The following TMEM132C variants were observed in gnomAD, a reference collection of about 807,000 sequenced individuals.
The protein encoded by TMEM132C is transmembrane protein 132C, also known as protein phosphatase 1, regulatory subunit 152.
TMEM132C carries 29 observed loss-of-function variants against 61.4 expected under a neutral mutation model. The ratio of observed to expected loss-of-function variants is 0.47; its 90% confidence interval spans 0.35 to 0.64. The LOEUF (loss-of-function observed/expected upper bound fraction) is 0.64, where lower values mean the gene tolerates loss of function less well. Among genes scored for constraint, TMEM132C ranks in the 30% least tolerant of loss-of-function variants. The pLI is 0.00. For missense variants in TMEM132C, 1,408 were observed against 1,476.9 expected (o/e 0.95, Z 0.76); for synonymous variants, 656 against 633.1 (o/e 1.04, Z -0.54).
chr12:128,531,025 GAGA>G (rs1417608677), intron 2 of TMEM132C, among the ~76,000 whole-genome samples: 3 of 152,292 alleles, frequency 2.0e-5, no homozygotes, highest in East Asian at 1.9e-4. Context: ...AATGAAAGAA[GAGA>G]AGGAGAGGAA....
chr12:128,321,319 TACTC>T (rs1374561026), intron 1 of TMEM132C, among the ~76,000 whole-genome samples: 2 of 152,182 alleles, frequency 1.3e-5, no homozygotes, highest in African/African-American at 2.4e-5. Flanking sequence ...AAACTGTCGA[TACTC>T]ACAGCAACTT....
chr12:128,691,717 A>C lies in TMEM132C; in HGVS notation c.1450-2112A>C, dbSNP rs147830822. Among the ~76,000 whole-genome samples, 197 of 151,512 alleles carry C rather than the reference A, an allele frequency of 1.3e-3. 1 individual carries two copies. Among genetic ancestry groups the C allele is most frequent in the African/African-American group, 4.6e-3 (188 of 41,264 alleles). On this transcript the variant is annotated intron_variant, in intron 5 of 8. Transcript: ENST00000435159. ...AGTGTGTCCATCCACCCATCAGTTC[A>C]TCTATCTATCCAGCTGTCTACCCAT...
intron 1 of TMEM132C, among the ~76,000 whole-genome samples, chr12:128,270,928 AT>A (rs928659498): frequency 2.0e-4 from 30 of 149,700 alleles, no homozygotes; most frequent in South Asian, 6.4e-4. Flanking sequence ...TATCCATACA[AT>A]TTTTTTTTTC....
chr12:128,386,026 G>A (rs745826416), intron 1 of TMEM132C, among the ~76,000 whole-genome samples: 8 of 151,932 alleles, frequency 5.3e-5, no homozygotes, highest in South Asian at 2.1e-4. Context: ...TTTGGTTCTC[G>A]CTGGCTCAAA....
Position 128,267,471 on chromosome 12 carries a change from C to T in TMEM132C, c.69C>T (p.Gly23=). The change falls in exon 1 of 9, where the codon GGC becomes GGT. Residue 23 remains glycine (G), a synonymous_variant. Coordinates refer to ENST00000435159, the MANE Select transcript of TMEM132C (RefSeq NM_001136103.3). ...PLCGALSLLL[G]ALLGKVIEGH... is the part of the protein sequence containing the mutation. ...GCGGGGCGCTGAGCCTGCTGCTGGG[C>T]GCGCTGCTGGGCAAAGGTAAGGCCG... 1 of 1,269,958 alleles carries T rather than the reference C, an allele frequency of 7.9e-7. No homozygotes were observed. The allele number at this position is 1,269,958 out of a possible 1,614,324, so 78.7% of individuals were successfully genotyped here.
intron 3 of TMEM132C, among the ~76,000 whole-genome samples, chr12:128,587,527 G>C (rs531251069): frequency 6.6e-6 from 1 of 152,316 alleles, no homozygotes; most frequent in Admixed American, 6.5e-5. Flanking sequence ...TTATCCGGGG[G>C]ACAGTGAAGG....
chr12:128,288,315 C>G (rs1238529679), intron 1 of TMEM132C: 2 of 152,338 alleles, frequency 1.3e-5, no homozygotes, highest in Admixed American at 6.5e-5. Flanking sequence ...GCCTCGGCCT[C>G]CCAAAGTGCT....
At chr12:128,486,931 T>C (rs1871518155) in intron 2 of TMEM132C, among the ~76,000 whole-genome samples, 1 of 149,074 alleles carries the variant, frequency 6.7e-6, no homozygotes, top group South Asian at 2.1e-4. Context: ...AGCTCAGCAC[T>C]TTTAGTGCTA....
intron 3 of TMEM132C, among the ~76,000 whole-genome samples, chr12:128,568,691 C>A (rs1168041033): frequency 1.7e-4 from 26 of 152,086 alleles, no homozygotes; most frequent in Admixed American, 1.7e-3. Flanking sequence ...TCTCCTGATA[C>A]TGACAAGGAG....
intron 2 of TMEM132C, among the ~76,000 whole-genome samples, chr12:128,542,247 A>C (rs1029202185): frequency 1.3e-5 from 2 of 151,946 alleles, no homozygotes; most frequent in Non-Finnish European, 2.9e-5. Flanking sequence ...CAGTTTCCCA[A>C]ATCTGTTGCT....
At chr12:128,405,384 G>A (rs976119933) in intron 1 of TMEM132C, among the ~76,000 whole-genome samples, 3 of 152,190 alleles carry the variant, frequency 2.0e-5, no homozygotes, top group Non-Finnish European at 4.4e-5. Flanking sequence ...GGTTCGTCGA[G>A]GAGTCGTTCA....
intron 2 of TMEM132C, among the ~76,000 whole-genome samples, chr12:128,519,149 C>T (rs1375956935): frequency 1.3e-5 from 2 of 152,194 alleles, no homozygotes; most frequent in South Asian, 2.1e-4. Flanking sequence ...ATTTTCCCCT[C>T]ATCAGTACAT....
At chr12:128,351,966 A>C (rs1172120033) in intron 1 of TMEM132C, among the ~76,000 whole-genome samples, 1 of 152,212 alleles carries the variant, frequency 6.6e-6, no homozygotes, top group African/African-American at 2.4e-5. Flanking sequence ...CTGCAAGGTG[A>C]GTCAGTGATC....
intron 3 of TMEM132C, among the ~76,000 whole-genome samples, chr12:128,583,763 C>T (rs1269780525): frequency 2.0e-5 from 3 of 152,240 alleles, no homozygotes; most frequent in African/African-American, 7.2e-5. Context: ...CCACCCCAAC[C>T]ACAAGTTACA....
At chr12:128,330,247 C>T (rs1282776206) in intron 1 of TMEM132C, among the ~76,000 whole-genome samples, 4 of 152,346 alleles carry the variant, frequency 2.6e-5, no homozygotes, top group Non-Finnish European at 2.9e-5. Flanking sequence ...CAACAGCCCA[C>T]ATCATGTTCT....
At chr12:128,389,419 G>A (rs1326455129) in intron 1 of TMEM132C, among the ~76,000 whole-genome samples, 1 of 152,192 alleles carries the variant, frequency 6.6e-6, no homozygotes, top group Non-Finnish European at 1.5e-5. Context: ...GGGACGGTCA[G>A]GAAGTAGGCT....
rs181197441 is a variant in TMEM132C, at chr12:128,271,307, A to C, written c.85+3820A>C. ...AATAATAATAATAATAATAATAATA[A>C]AATGAAATGAAGAGAAATGGGATCA... On this transcript the variant is annotated intron_variant, in intron 1 of 8. Transcript: ENST00000435159. Among the ~76,000 whole-genome samples, 53 of 144,116 alleles carry C rather than the reference A, an allele frequency of 3.7e-4. 1 individual carries two copies. The East Asian group carries it at 0.01, about 28-fold the overall frequency. 94.5% of individuals were successfully genotyped at this position (144,116 alleles called of 152,430 possible). A position where few individuals can be genotyped will look rare whatever the true frequency, so the allele number is the denominator to read the frequency against.
At chr12:128,605,767 T>A (rs1876400979) in intron 3 of TMEM132C, among the ~76,000 whole-genome samples, 1 of 152,254 alleles carries the variant, frequency 6.6e-6, no homozygotes, top group South Asian at 2.1e-4. Flanking sequence ...TCTCATAAGG[T>A]CCTGGGCAGC....
intron 2 of TMEM132C, among the ~76,000 whole-genome samples, chr12:128,461,373 A>G (rs574804738): frequency 1.3e-5 from 2 of 152,326 alleles, no homozygotes; most frequent in East Asian, 1.9e-4. Context: ...GACATTTTCA[A>G]ATACTTTGAG....
Sources: allele counts gnomAD v4.1 joint callset (sites outside exome capture counted in the v4.1 genomes callset), GRCh38; gene constraint gnomAD v4.1.1; transcripts MANE v1.5; gene names NCBI Gene and HGNC (gene_info 2026-07-23, HGNC 2026-07-21).